PPP1R12B: variants seen among roughly 807,000 people sequenced by gnomAD.
PPP1R12B encodes the protein myosin phosphatase target subunit 2.
PPP1R12B carries 76 observed loss-of-function variants against 126.1 expected under a neutral mutation model. The ratio of observed to expected loss-of-function variants is 0.60; its 90% CI spans 0.50 to 0.73. PPP1R12B has a LOEUF of 0.73. PPP1R12B is among the 30% of genes least tolerant of loss of function. PPP1R12B has a pLI of 0.00. For synonymous variants in PPP1R12B, 356 were observed against 434.7 expected (o/e 0.82, Z 2.25); for missense variants, 1,052 against 1,205.1 (o/e 0.87, Z 1.88).
At chr1:202,438,211 C>T in intron 10 of PPP1R12B, 187 bp downstream of exon 10, 1 of 1,564,430 alleles carries the variant, frequency 6.4e-7, no homozygotes, top group Non-Finnish European at 8.6e-7. Flanking sequence ...GTTTGCTTGA[C>T]CAAAAAAGAA....
intron 13 of PPP1R12B, among the ~76,000 whole-genome samples, chr1:202,487,942 A>G (rs1678374144): frequency 6.6e-6 from 1 of 152,188 alleles, no homozygotes; most frequent in Non-Finnish European, 1.5e-5. Context: ...GAACCTACAG[A>G]TAGTACAGAA....
chr1:202,448,880 C>T (rs894536077), intron 12 of PPP1R12B, 109 bp from the exon 13 acceptor site: 13 of 1,171,548 alleles, frequency 1.1e-5, no homozygotes, highest in African/African-American at 4.6e-5. Flanking sequence ...AAAATCAGAG[C>T]GAGATTTCCT....
intron 14 of PPP1R12B, among the ~76,000 whole-genome samples, chr1:202,490,855 C>A (rs1211720663): frequency 6.6e-6 from 1 of 152,134 alleles, no homozygotes; most frequent in Non-Finnish European, 1.5e-5. Context: ...TTTTGTATAT[C>A]CATTCATCTG....
rs142782281 is a variant in PPP1R12B at position 202,575,253 on chromosome 1, G to T, written c.2863-5221G>T. 2.8e-4 allele frequency: 385 copies of T among 1,384,148 alleles called. 2 individuals carry two copies. The African/African-American group carries it at 5.1e-3, about 18-fold the overall frequency. The allele number at this position is 1,384,148 out of a possible 1,614,324, so 85.7% of individuals were successfully genotyped here. On this transcript the variant is annotated intron_variant, in intron 23 of 23. Transcript: ENST00000608999. The stretch of plus-strand genomic sequence containing the variant: ...CCTCCATCCGAGCCTCCATATGCAG[G>T]TTCCTGCAAAGCTTGGTTATCTGCA...
rs561882778 is a variant in PPP1R12B, at chr1:202,559,703, T to C, written c.2507+810T>C. Among the ~76,000 whole-genome samples, 3 of 152,334 alleles carry C rather than the reference T, an allele frequency of 2.0e-5. No homozygotes were observed. In the East Asian group the frequency reaches 5.8e-4, roughly 29 times the overall value. On this transcript the variant is annotated intron_variant, in intron 19 of 23. Transcript: ENST00000608999. ...GAGTTTCCTTATAATTTGTTTGGTA[T>C]TGAGCTGGTTCTGTCTTATTAATAT...
Position 202,560,720 on chromosome 1 carries a change from C to G in PPP1R12B, c.2507+1827C>G, listed in dbSNP as rs558032287. ...CGTCTGGGAATGCAGCCCAGTAGGT[C>G]TCAGCCTCATTTTACCCAGCCCCTA... On this transcript the variant is annotated intron_variant, in intron 19 of 23. Coordinates refer to ENST00000608999, the MANE Select transcript of PPP1R12B (RefSeq NM_002481.4). Among the ~76,000 whole-genome samples the G allele has an allele frequency of 5.3e-5, 8 of 152,312 alleles. No homozygotes were observed. The East Asian group carries it at 1.3e-3, about 26-fold the overall frequency.
intron 1 of PPP1R12B, among the ~76,000 whole-genome samples, chr1:202,401,361 ATTTTTTTTTTTTTTTTTTT>A (rs34810265): frequency 1.4e-5 from 1 of 71,426 alleles, no homozygotes; most frequent in Non-Finnish European, 2.5e-5. Context: ...GGCTAATTTA[ATTTTTTTTTTTTTTTTTTT>A]TTTTTTTTTT....
chr1:202,458,660 C>G (rs1157831714), intron 13 of PPP1R12B, among the ~76,000 whole-genome samples: 1 of 152,074 alleles, frequency 6.6e-6, no homozygotes, highest in African/African-American at 2.4e-5. Flanking sequence ...GCTAGACAAG[C>G]ATAAACTGAA....
chr1:202,406,878 A>G (rs1369082386), intron 1 of PPP1R12B, among the ~76,000 whole-genome samples: 1 of 152,112 alleles, frequency 6.6e-6, no homozygotes, highest in Non-Finnish European at 1.5e-5. Context: ...CAGCTATCTC[A>G]CCTTTGAGCT....
Position 202,562,861 on chromosome 1 carries a change from AG to A in PPP1R12B, c.2593del (p.Ala865ProfsTer3). The A allele has an allele frequency of 1.2e-6, 2 of 1,613,032 alleles. No individual in the cohort carries two copies. Among genetic ancestry groups the A allele is most frequent in the Non-Finnish European group, 1.7e-6 (2 of 1,179,684 alleles). On this transcript the variant is annotated frameshift_variant, in exon 20 of 24. Coordinates refer to ENST00000608999, the MANE Select transcript of PPP1R12B (RefSeq NM_002481.4). LOFTEE classifies it high-confidence loss of function. ...ASARARREAR[E>X]ARLATLTSRV... ...GCAAGAGCCCGTCGGGAGGCCCGGG[AG>A]GCCCGCCTAGCCACCCTGACCAGCC...
chr1:202,444,326 G>A (rs1671980723), intron 12 of PPP1R12B, among the ~76,000 whole-genome samples: 1 of 152,152 alleles, frequency 6.6e-6, no homozygotes, highest in African/African-American at 2.4e-5. Context: ...TAGTCAAGAA[G>A]TATTTTTGAA....
chr1:202,506,866 G>T (rs1472222303), intron 18 of PPP1R12B, among the ~76,000 whole-genome samples: 2 of 152,212 alleles, frequency 1.3e-5, no homozygotes, highest in East Asian at 3.8e-4. Context: ...AAAGGAGTTT[G>T]TAAAAATTCA....
chr1:202,438,940 C>G, intron 10 of PPP1R12B: 1 of 1,532,812 alleles, frequency 6.5e-7, no homozygotes, highest in Non-Finnish European at 9.0e-7. Flanking sequence ...CGAAGACGGC[C>G]GTGGACTGGC....
intron 1 of PPP1R12B, among the ~76,000 whole-genome samples, chr1:202,363,266 C>G (rs1225933847): frequency 6.6e-6 from 1 of 152,176 alleles, no homozygotes; most frequent in African/African-American, 2.4e-5. Flanking sequence ...GTGTCTTGCT[C>G]TCAGGCATCC....
intron 13 of PPP1R12B, among the ~76,000 whole-genome samples, chr1:202,486,399 G>A (rs1678129116): frequency 6.6e-6 from 1 of 152,086 alleles, no homozygotes; most frequent in Non-Finnish European, 1.5e-5. Flanking sequence ...ACAACTTGAT[G>A]CCACTAAATG....
At chr1:202,422,335 A>T (rs1470228199) in intron 2 of PPP1R12B, among the ~76,000 whole-genome samples, 1 of 152,206 alleles carries the variant, frequency 6.6e-6, no homozygotes, top group Admixed American at 6.5e-5. Context: ...TCTTTATGTT[A>T]CTTAGAAATT....
intron 2 of PPP1R12B, among the ~76,000 whole-genome samples, chr1:202,420,926 G>C (rs1426579336): frequency 6.8e-6 from 1 of 147,356 alleles, no homozygotes; most frequent in Non-Finnish European, 1.5e-5. Flanking sequence ...GCAAAAACAT[G>C]GTCTTAATCT....
At chr1:202,378,247 C>CTTTT (rs386369339) in intron 1 of PPP1R12B, among the ~76,000 whole-genome samples, 86 of 93,284 alleles carry the variant, frequency 9.2e-4, no homozygotes, top group Middle Eastern at 6.8e-3. Context: ...TGTCTTCATT[C>CTTTT]TTTTTTTTTT....
intron 23 of PPP1R12B, among the ~76,000 whole-genome samples, chr1:202,569,996 T>C (rs1333569077): frequency 6.6e-6 from 1 of 152,144 alleles, no homozygotes; most frequent in Non-Finnish European, 1.5e-5. Context: ...CTGCAGGGAA[T>C]ATAGAGCTGG....
Sources: gnomAD v4.1 joint callset for allele counts (sites outside exome capture counted in the v4.1 genomes callset) on GRCh38, gnomAD v4.1.1 for gene constraint, MANE v1.5 for transcripts, NCBI Gene and HGNC (gene_info 2026-07-23, HGNC 2026-07-21) for gene names.